Variants in GAB4 observed in about 807,000 individuals in gnomAD.
GAB4 encodes GRB2-associated-binding protein 4.
Under a neutral mutation model 51.3 loss-of-function variants are expected in GAB4, and 26 were observed. The observed-to-expected ratio is 0.51, with a 90% confidence interval of 0.37 to 0.70. The LOEUF is 0.70. Ranked by LOEUF, GAB4 falls within the 30% of genes least tolerant of loss-of-function variation. GAB4 has a pLI of 0.00. For missense variants in GAB4, 759 were observed against 734.6 expected, an observed-to-expected ratio of 1.03 and a Z score of -0.38; for synonymous variants, 329 against 291.2, an observed-to-expected ratio of 1.13 and a Z score of -1.32.
chr22:16,964,815 C>T lies in GAB4; in HGVS notation c.1427G>A (p.Ser476Asn), dbSNP rs753018923. Residue 476 changes from serine (S) to asparagine (N), a missense_variant, in exon 8 of 10, where the codon AGC (serine) becomes AAC (asparagine). Transcript: ENST00000400588. ...GTCTTCTGAGTCTGTGTTGGTGATG[C>T]TCTGCGTGGAGATGGGGTGTTGGGA... ...SSSQHPISTQ[S>N]ITNTDSEDSG... The T allele has an allele frequency of 1.2e-6, 2 of 1,614,018 alleles. No homozygotes were observed. Among genetic ancestry groups the T allele is most frequent in the Non-Finnish European group, 1.7e-6 (2 of 1,179,956 alleles).
intron 3 of GAB4, among the ~76,000 whole-genome samples, chr22:16,975,416 C>T (rs182381261): frequency 1.3e-5 from 2 of 152,296 alleles, no homozygotes; most frequent in African/African-American, 4.8e-5. Context: ...GGGCAAAGCC[C>T]ACCACAGCTC....
chr22:16,990,917 G>A (rs1030131495), intron 2 of GAB4, among the ~76,000 whole-genome samples: 3 of 152,132 alleles, frequency 2.0e-5, no homozygotes, highest in Non-Finnish European at 2.9e-5. Context: ...TCACGAGAAT[G>A]TGCAGGTCTA....
intron 1 of GAB4, among the ~76,000 whole-genome samples, chr22:17,005,079 C>CA (rs1288644682): frequency 1.3e-5 from 2 of 152,150 alleles, no homozygotes; most frequent in African/African-American, 4.8e-5. Flanking sequence ...TTGCAGATGA[C>CA]ATGATTGTAT....
intron 3 of GAB4, among the ~76,000 whole-genome samples, chr22:16,970,815 G>C (rs2060724424): frequency 6.6e-6 from 1 of 152,272 alleles, no homozygotes; most frequent in Middle Eastern, 3.4e-3. Flanking sequence ...TGGTTAGAGA[G>C]GCAATTCGAA....
chr22:16,968,972 T>C (rs1247120865), intron 4 of GAB4, among the ~76,000 whole-genome samples: 2 of 152,158 alleles, frequency 1.3e-5, no homozygotes, highest in Non-Finnish European at 2.9e-5. Context: ...AAACAAGGCT[T>C]TGCCCCACCA....
intron 3 of GAB4, among the ~76,000 whole-genome samples, chr22:16,974,915 G>GAACT (rs995581051): frequency 8.5e-5 from 13 of 152,186 alleles, no homozygotes; most frequent in Non-Finnish European, 1.8e-4. Flanking sequence ...AAGTGTTGGG[G>GAACT]AACTCCCTCC....
Position 16,990,961 on chromosome 22 carries a change from T to C in GAB4, c.478+912A>G, listed in dbSNP as rs144213818. On this transcript the variant is annotated intron_variant, in intron 2 of 9. Coordinates refer to ENST00000400588, the MANE Select transcript of GAB4 (RefSeq NM_001037814.1). ...CCAGGTGATGCTGATGCTGATGAGC[T>C]GAGAATGGTTTTTACATTTTCAAAG... Among the ~76,000 whole-genome samples the C allele has an allele frequency of 2.4e-3, 363 of 152,214 alleles. 6 individuals carry two copies. The East Asian group carries it at 0.035, about 15-fold the overall frequency.
intron 1 of GAB4, among the ~76,000 whole-genome samples, chr22:17,003,355 A>G (rs2061013508): frequency 6.6e-6 from 1 of 152,156 alleles, no homozygotes; most frequent in Non-Finnish European, 1.5e-5. Flanking sequence ...AGAGCTCCCC[A>G]CCCCAAATCA....
At chr22:17,002,762 C>A (rs1336329750) in intron 1 of GAB4, among the ~76,000 whole-genome samples, 1 of 152,104 alleles carries the variant, frequency 6.6e-6, no homozygotes, top group Non-Finnish European at 1.5e-5. Context: ...ACCAACATGG[C>A]ACACGTATAC....
chr22:16,962,521 G>A lies in GAB4; in HGVS notation c.*212C>T. 2.4e-6 allele frequency: 1 copy of A among 416,168 alleles called. No homozygotes were observed. The allele number at this position is 416,168 out of a possible 1,614,324, so 25.8% of individuals were successfully genotyped here. Reference sequence around the variant, plus strand: ...TGAGGGGCAGGAAGAGACTGAGGATGCTTGCTGGCAACTGCTCCTAGCAAG... The same window carrying A: ...TGAGGGGCAGGAAGAGACTGAGGATACTTGCTGGCAACTGCTCCTAGCAAG... On this transcript the variant is annotated 3_prime_UTR_variant, in exon 10 of 10. Transcript: ENST00000400588.
chr22:17,000,399 C>T (rs928375359), intron 1 of GAB4, among the ~76,000 whole-genome samples: 13 of 151,972 alleles, frequency 8.6e-5, no homozygotes, highest in African/African-American at 2.9e-4. Context: ...TATGTAATGG[C>T]CTTGTCTCTT....
chr22:17,001,223 C>T (rs2060995081), intron 1 of GAB4, among the ~76,000 whole-genome samples: 1 of 152,232 alleles, frequency 6.6e-6, no homozygotes, highest in African/African-American at 2.4e-5. Context: ...GGATAATATC[C>T]TGCAGAGTGT....
intron 9 of GAB4, 93 bp downstream of exon 9, chr22:16,963,632 C>T (rs867052594): frequency 1.7e-5 from 14 of 839,966 alleles, no homozygotes; most frequent in South Asian, 7.7e-5. Flanking sequence ...GGCAGCCCAG[C>T]AGCCCAGTGC....
chr22:16,967,958 C>A (rs1269763808), intron 5 of GAB4, among the ~76,000 whole-genome samples: 1 of 152,092 alleles, frequency 6.6e-6, no homozygotes, highest in Non-Finnish European at 1.5e-5. Flanking sequence ...CCTACCCATA[C>A]CAAAGGCTCA....
chr22:16,981,748 A>G (rs1324004224), intron 3 of GAB4, among the ~76,000 whole-genome samples: 1 of 152,178 alleles, frequency 6.6e-6, no homozygotes, highest in Non-Finnish European at 1.5e-5. Context: ...AGGATGGAAT[A>G]CTTCTAAACT....
rs369678615 is a variant in GAB4 at position 16,968,365 on chromosome 22, G to A, written c.956C>T (p.Thr319Ile). ...GCTGGCATTCCCTCCACCATGCTGG[G>A]TGTACTTGCCGGAGGAAGCTACGAC... is the stretch of plus-strand genomic sequence containing the variant. ...ADNEASSGKY[T>I]QHGGGNASRP... The change falls in exon 5 of 10, where the codon ACC (threonine) becomes ATC (isoleucine). Residue 319 changes from threonine to isoleucine, a missense_variant. By Grantham distance (89) the Thr-to-Ile change is moderately conservative (BLOSUM62 -1). This residue lies in a region of GAB4 where 588 missense variants were observed against 510.2 expected (regional missense o/e 1.15). Coordinates refer to ENST00000400588, the MANE Select transcript of GAB4 (RefSeq NM_001037814.1). 1 of 1,613,968 alleles carries A rather than the reference G, an allele frequency of 6.2e-7. No individual in the cohort carries two copies. Among genetic ancestry groups the A allele is most frequent in the Non-Finnish European group, 8.5e-7 (1 of 1,179,852 alleles).
intron 6 of GAB4, 129 bp from the exon 7 acceptor site, chr22:16,965,397 G>GA: frequency 1.4e-6 from 1 of 698,788 alleles, no homozygotes; most frequent in Non-Finnish European, 2.5e-6. Flanking sequence ...GTGTGCGGGG[G>GA]ACTGAGGCTT....
In GAB4 at chr22:16,970,158, A is replaced by G. The variant is rs371684322; in HGVS notation, c.722T>C (p.Phe241Ser). 1.9e-6 allele frequency: 3 copies of G among 1,613,944 alleles called. No individual in the cohort carries two copies. Among genetic ancestry groups the G allele is most frequent in the African/African-American group, 2.7e-5 (2 of 74,886 alleles). The change falls in exon 4 of 10, where the codon TTC (phenylalanine) becomes TCC (serine). Residue 241 changes from phenylalanine to serine, a missense_variant. Physicochemically the swap from Phe to Ser is radical, Grantham distance 155. Coordinates refer to ENST00000400588, the MANE Select transcript of GAB4 (RefSeq NM_001037814.1). Reference protein sequence around the residue: ...ASFSQGSEAPFIMRRNTAMQN... With the variant: ...ASFSQGSEAPSIMRRNTAMQN... ...CATGGCTGTGTTTCTCCTCATGATG[A>G]ATGGGGCCTCAGAACCCTGGGAGAA...
intron 3 of GAB4, among the ~76,000 whole-genome samples, chr22:16,976,311 A>G (rs1483059699): frequency 4.6e-5 from 7 of 152,234 alleles, no homozygotes; most frequent in African/African-American, 1.7e-4. Context: ...TAACCAGTTC[A>G]GAGAAGAACA....
Sources: gnomAD v4.1 joint callset for allele counts (sites outside exome capture counted in the v4.1 genomes callset) on GRCh38, gnomAD v4.1.1 for gene constraint, gnomAD v4.1.1 regional missense constraint, MANE v1.5 for transcripts, NCBI Gene and HGNC (gene_info 2026-07-23, HGNC 2026-07-21) for gene names.